Variants in FER observed in about 807,000 individuals in gnomAD.
FER encodes tyrosine-protein kinase Fer.
A neutral mutation model predicts 111.0 loss-of-function variants in FER; 63 were observed. That is an observed-to-expected ratio of 0.57 (90% confidence interval 0.46 to 0.70). The LOEUF is 0.70. FER is among the 30% of genes least tolerant of loss of function. The pLI is 0.00. For missense variants in FER, 914 were observed against 954.0 expected (o/e 0.96, Z 0.55); for synonymous variants, 327 against 313.9 (o/e 1.04, Z -0.44).
chr5:108,902,141 G>A (rs892251457), intron 10 of FER, among the ~76,000 whole-genome samples: 1 of 152,020 alleles, frequency 6.6e-6, no homozygotes, highest in African/African-American at 2.4e-5. Flanking sequence ...ACCGGAGGGG[G>A]AATAAATTCA....
intron 13 of FER, among the ~76,000 whole-genome samples, chr5:109,036,248 C>G (rs1210608499): frequency 1.3e-5 from 2 of 152,002 alleles, no homozygotes; most frequent in African/African-American, 2.4e-5. Context: ...CGTTATCCTC[C>G]TAAGTTTTCT....
chr5:109,014,317 C>T (rs1265962432), intron 13 of FER, among the ~76,000 whole-genome samples: 2 of 152,158 alleles, frequency 1.3e-5, no homozygotes, highest in Non-Finnish European at 2.9e-5. Flanking sequence ...CCAGTTTTCC[C>T]AGCACCATTT....
In FER at chr5:109,187,477, A is replaced by AAAATCATGATGAAGTG; in HGVS notation, c.2372_2387dup (p.Cys796Ter). The AAAATCATGATGAAGTG allele has an allele frequency of 6.2e-7, 1 of 1,614,156 alleles. No individual in the cohort carries two copies. The highest frequency in any genetic ancestry group is 8.5e-7 in the Non-Finnish European group (1 of 1,179,998). The stretch of plus-strand genomic sequence containing the variant: ...CCAGCACTGTCCAGAGGATATTTCC[A>AAAATCATGATGAAGTG]AAATCATGATGAAGTGTTGGGATTA... On this transcript the variant is annotated stop_gained and frameshift_variant, in exon 20 of 20. Transcript: ENST00000281092. LOFTEE classifies it high-confidence loss of function.
chr5:108,925,445 A>G (rs77990762), intron 10 of FER, among the ~76,000 whole-genome samples: 1 of 152,246 alleles, frequency 6.6e-6, no homozygotes, highest in Non-Finnish European at 1.5e-5. Context: ...CTTTTAATGT[A>G]TAAAATATAA....
intron 13 of FER, among the ~76,000 whole-genome samples, chr5:109,003,683 A>C (rs1029660266): frequency 3.8e-4 from 58 of 152,184 alleles, no homozygotes; most frequent in Non-Finnish European, 3.1e-4. Context: ...TAAATTTAAA[A>C]AATTAAAAAA....
chr5:109,157,356 G>C (rs1185480459), intron 17 of FER, among the ~76,000 whole-genome samples: 1 of 149,292 alleles, frequency 6.7e-6, no homozygotes, highest in Non-Finnish European at 1.5e-5. Context: ...GATCAGTAAT[G>C]GGGGAGGCTG....
chr5:108,856,108 G>A (rs1190713282), intron 5 of FER, among the ~76,000 whole-genome samples: 7 of 152,122 alleles, frequency 4.6e-5, no homozygotes, highest in African/African-American at 1.7e-4. Context: ...CCAATAAATA[G>A]ATTAGTCTTC....
At chr5:109,176,027 C>A (rs1757650202) in intron 17 of FER, among the ~76,000 whole-genome samples, 1 of 151,902 alleles carries the variant, frequency 6.6e-6, no homozygotes, top group African/African-American at 2.4e-5. Context: ...GGCAAGGATG[C>A]AGAGAAAAGG....
chr5:108,950,138 G>C (rs1055828669), intron 11 of FER, among the ~76,000 whole-genome samples: 1 of 152,000 alleles, frequency 6.6e-6, no homozygotes, highest in African/African-American at 2.4e-5. Context: ...GACCCAAGAA[G>C]GGGTACAAAA....
chr5:109,187,499 A>G lies in FER; in HGVS notation c.2393A>G (p.Asp798Gly). 6.2e-7 allele frequency: 1 copy of G among 1,614,072 alleles called. No individual in the cohort carries two copies. Among genetic ancestry groups the G allele is most frequent in the Non-Finnish European group, 8.5e-7 (1 of 1,179,992 alleles). Residue 798 changes from aspartate to glycine, a missense_variant, in exon 20 of 20, where the codon GAT (aspartate) becomes GGT (glycine). By Grantham distance (94) the Asp-to-Gly change is moderately conservative (BLOSUM62 -1). This residue lies in a region of FER where 134 missense variants were observed against 149.4 expected (regional missense o/e 0.90). Coordinates refer to ENST00000281092, the MANE Select transcript of FER (RefSeq NM_005246.4). ...DISKIMMKCW[D>G]YKPENRPKFS... is the part of the protein sequence containing the mutation. Reference sequence around the variant, plus strand: ...TCCAAAATCATGATGAAGTGTTGGGATTATAAACCTGAAAATCGCCCTAAG... The same window carrying G: ...TCCAAAATCATGATGAAGTGTTGGGGTTATAAACCTGAAAATCGCCCTAAG...
At chr5:108,774,428 A>G (rs982391142) in intron 2 of FER, among the ~76,000 whole-genome samples, 1 of 152,146 alleles carries the variant, frequency 6.6e-6, no homozygotes, top group African/African-American at 2.4e-5. Context: ...CAGTAATGGG[A>G]TTGCTGGGTC....
intron 5 of FER, among the ~76,000 whole-genome samples, chr5:108,856,384 T>C (rs1422049172): frequency 6.6e-6 from 1 of 152,164 alleles, no homozygotes; most frequent in East Asian, 1.9e-4. Context: ...ACAGATATTA[T>C]CTGCTTTTTC....
chr5:109,126,038 A>C (rs1751678457), intron 17 of FER, among the ~76,000 whole-genome samples: 1 of 152,108 alleles, frequency 6.6e-6, no homozygotes, highest in African/African-American at 2.4e-5. Context: ...TACAGCCAGT[A>C]ATTGGCTGAG....
intron 13 of FER, among the ~76,000 whole-genome samples, chr5:109,036,448 G>A (rs768995994): frequency 2.6e-5 from 4 of 151,992 alleles, no homozygotes; most frequent in Admixed American, 6.6e-5. Flanking sequence ...GTCATAGTTA[G>A]GGTGAATTTT....
At chr5:108,849,454 TTTGTTGTTG>T (rs77866064) in intron 5 of FER, among the ~76,000 whole-genome samples, 11 of 146,662 alleles carry the variant, frequency 7.5e-5, no homozygotes, top group Non-Finnish European at 1.5e-4. Context: ...TGGTGGTGGT[TTTGTTGTTG>T]TTGTTGTTGT....
chr5:108,972,486 TA>T (rs1158880511), intron 13 of FER, among the ~76,000 whole-genome samples: 1 of 152,190 alleles, frequency 6.6e-6, no homozygotes, highest in Non-Finnish European at 1.5e-5. Context: ...AAGCATCTCA[TA>T]AAAAGTCTTC....
At chr5:109,175,632 A>G (rs1045185748) in intron 17 of FER, among the ~76,000 whole-genome samples, 1 of 152,252 alleles carries the variant, frequency 6.6e-6, no homozygotes, top group Admixed American at 6.5e-5. Context: ...TCTGCACAGC[A>G]AAGGAAACAA....
intron 10 of FER, among the ~76,000 whole-genome samples, chr5:108,906,261 G>A (rs1581143726): frequency 6.6e-6 from 1 of 152,140 alleles, no homozygotes; most frequent in African/African-American, 2.4e-5. Context: ...ACAATAATAA[G>A]TTAATGTGTG....
chr5:108,764,553 A>G (rs1752104334), intron 1 of FER, among the ~76,000 whole-genome samples: 1 of 151,906 alleles, frequency 6.6e-6, no homozygotes, highest in African/African-American at 2.4e-5. Context: ...ATGCGCCACC[A>G]TGCCCGGCTG....
Sources: allele counts gnomAD v4.1 joint callset (sites outside exome capture counted in the v4.1 genomes callset), GRCh38; gene constraint gnomAD v4.1.1; regional missense constraint gnomAD v4.1.1; transcripts MANE v1.5; gene names NCBI Gene and HGNC (gene_info 2026-07-23, HGNC 2026-07-21).